Variants in DLG2 observed in about 807,000 individuals in gnomAD.
DLG2 encodes the protein discs large MAGUK scaffold protein 2, also known as disks large homolog 2.
DLG2 carries 45 observed loss-of-function variants against 132.5 expected under a neutral mutation model. The ratio of observed to expected loss-of-function variants is 0.34; its 90% CI spans 0.27 to 0.44. The LOEUF is 0.44. Among genes scored for constraint, DLG2 ranks in the 20% least tolerant of loss-of-function variants. The pLI, the probability that DLG2 is intolerant of heterozygous loss-of-function variation, is 1.00. For missense variants in DLG2, 1,045 were observed against 1,196.9 expected, an observed-to-expected ratio of 0.87 and a Z score of 1.87; for synonymous variants, 424 against 419.6, an observed-to-expected ratio of 1.01 and a Z score of -0.13.
intron 6 of DLG2, among the ~76,000 whole-genome samples, chr11:84,629,193 TA>T (rs2099627712): frequency 6.6e-6 from 1 of 152,178 alleles, no homozygotes; most frequent in African/African-American, 2.4e-5. Context: ...CTGAGCTTTA[TA>T]AACAAATTCT....
intron 5 of DLG2, among the ~76,000 whole-genome samples, chr11:85,142,768 C>G (rs114485565): frequency 6.6e-6 from 1 of 151,572 alleles, no homozygotes; most frequent in Non-Finnish European, 1.5e-5. Context: ...ATTTTTGTCA[C>G]GAAGAGATGT....
At chr11:84,602,372 G>A (rs2099578148) in intron 6 of DLG2, among the ~76,000 whole-genome samples, 3 of 151,038 alleles carry the variant, frequency 2.0e-5, no homozygotes, top group Admixed American at 1.3e-4. Context: ...ATTTCATAAA[G>A]GTATTAAGTA....
intron 3 of DLG2, among the ~76,000 whole-genome samples, chr11:85,425,411 C>T (rs1225153313): frequency 6.6e-6 from 1 of 151,780 alleles, no homozygotes; most frequent in Non-Finnish European, 1.5e-5. Flanking sequence ...GGAAAATTTA[C>T]CATAATGAAC....
chr11:84,502,681 C>A (rs2099224431), intron 7 of DLG2, among the ~76,000 whole-genome samples: 1 of 151,726 alleles, frequency 6.6e-6, no homozygotes, highest in South Asian at 2.1e-4. Flanking sequence ...TACAGGAGAA[C>A]CATTTCACGA....
chr11:83,947,670 A>C (rs1023863090), intron 14 of DLG2, among the ~76,000 whole-genome samples: 5 of 152,176 alleles, frequency 3.3e-5, no homozygotes, highest in African/African-American at 1.2e-4. Context: ...TACATGGATT[A>C]ATTTATTTAA....
At chr11:83,816,254 G>C (rs2048886026) in intron 17 of DLG2, among the ~76,000 whole-genome samples, 2 of 152,244 alleles carry the variant, frequency 1.3e-5, no homozygotes, top group Admixed American at 1.3e-4. Context: ...TAGCCTATTG[G>C]CAGCATCATC....
At chr11:84,080,046 C>T (rs1238791599) in intron 10 of DLG2, among the ~76,000 whole-genome samples, 1 of 152,132 alleles carries the variant, frequency 6.6e-6, no homozygotes, top group Non-Finnish European at 1.5e-5. Context: ...CATAGAACTC[C>T]TTTTAACTCT....
chr11:85,127,146 C>A (rs1270347321), intron 5 of DLG2, among the ~76,000 whole-genome samples: 1 of 151,934 alleles, frequency 6.6e-6, no homozygotes, highest in Non-Finnish European at 1.5e-5. Context: ...ATCTCTGCAT[C>A]CTCTATATCT....
chr11:84,237,729 A>G (rs1478607948), intron 8 of DLG2, among the ~76,000 whole-genome samples: 3 of 152,002 alleles, frequency 2.0e-5, no homozygotes, highest in Non-Finnish European at 4.4e-5. Context: ...GGGCTGAGAT[A>G]TGATACACTT....
At chr11:85,026,634 G>C (rs1312991574) in intron 6 of DLG2, among the ~76,000 whole-genome samples, 1 of 152,042 alleles carries the variant, frequency 6.6e-6, no homozygotes, top group African/African-American at 2.4e-5. Flanking sequence ...TCAGGAGATC[G>C]AGACCATCCT....
chr11:83,466,815 G>A lies in DLG2; in HGVS notation c.2622C>T (p.Gly874=). ...VQSVRFVAER[G]KHCILDVSGN... ...CTGATACATCAAGTATACAGTGTTTGCCCTGGTAGAAAGAGAAGAAAAATA... is the reference window on the plus strand; with the variant it reads ...CTGATACATCAAGTATACAGTGTTTACCCTGGTAGAAAGAGAAGAAAAATA... Residue 874 remains glycine (G), a splice_region_variant and synonymous_variant, in exon 26 of 28, where the codon GGC becomes GGT. Coordinates refer to ENST00000376104, the MANE Select transcript of DLG2 (RefSeq NM_001142699.3). The A allele has an allele frequency of 6.2e-7, 1 of 1,607,888 alleles. No individual in the cohort carries two copies. The highest frequency in any genetic ancestry group is 1.7e-5 in the Admixed American group (1 of 59,976).
rs145848418 is a variant in DLG2 at position 84,644,194 on chromosome 11, T to C, written c.358-109463A>G. ...ATGGGTCTTTTCAAAGGTCCATCTA[T>C]GTATTCTAAGCCTATCCCACTGCTT... On this transcript the variant is annotated intron_variant, in intron 6 of 27. Coordinates refer to ENST00000376104, the MANE Select transcript of DLG2 (RefSeq NM_001142699.3). Among the ~76,000 whole-genome samples, 795 of 152,296 alleles carry C rather than the reference T, an allele frequency of 5.2e-3. 6 individuals are homozygous for C. Among genetic ancestry groups the C allele is most frequent in the Middle Eastern group, 0.034 (10 of 294 alleles).
chr11:85,598,636 A>G, intron 3 of DLG2, 21 bp downstream of exon 3: 1 of 1,525,504 alleles, frequency 6.6e-7, no homozygotes, highest in Non-Finnish European at 8.8e-7. Context: ...TAAAATGATG[A>G]ATAACTTTCA....
chr11:84,785,400 C>T (rs2072700636), intron 6 of DLG2, among the ~76,000 whole-genome samples: 1 of 152,006 alleles, frequency 6.6e-6, no homozygotes, highest in Non-Finnish European at 1.5e-5. Flanking sequence ...CGCAAGACTC[C>T]TCATGAGTTG....
At chr11:84,093,481 A>G (rs1336282662) in intron 10 of DLG2, among the ~76,000 whole-genome samples, 1 of 152,246 alleles carries the variant, frequency 6.6e-6, no homozygotes, top group Non-Finnish European at 1.5e-5. Context: ...TCATGTAATT[A>G]GACCAGGTTC....
chr11:85,091,121 TCCACCTCCAACA>T (rs1445304096), intron 6 of DLG2, among the ~76,000 whole-genome samples: 1 of 152,162 alleles, frequency 6.6e-6, no homozygotes, highest in Non-Finnish European at 1.5e-5. Flanking sequence ...CCCATTTGGT[TCCACCTCCAACA>T]CTGGGGATCA....
At chr11:84,662,786 C>CAAAAAAAAA (rs752017709) in intron 6 of DLG2, among the ~76,000 whole-genome samples, 7 of 80,292 alleles carry the variant, frequency 8.7e-5, no homozygotes, top group African/African-American at 2.2e-4. Context: ...GACTCTGTCA[C>CAAAAAAAAA]AAAAAAAAAA....
intron 3 of DLG2, among the ~76,000 whole-genome samples, chr11:85,440,232 G>A (rs1021205386): frequency 3.3e-5 from 5 of 151,914 alleles, no homozygotes; most frequent in African/African-American, 4.8e-5. Context: ...CTATGTATTC[G>A]CTGTATGACC....
intron 3 of DLG2, among the ~76,000 whole-genome samples, chr11:85,471,793 G>A (rs922795386): frequency 1.3e-5 from 2 of 151,978 alleles, no homozygotes; most frequent in African/African-American, 4.8e-5. Flanking sequence ...TGAGCTAAAG[G>A]AAGAAAATTT....
Sources: gnomAD v4.1 joint callset for allele counts (sites outside exome capture counted in the v4.1 genomes callset) on GRCh38, gnomAD v4.1.1 for gene constraint, MANE v1.5 for transcripts, NCBI Gene and HGNC (gene_info 2026-07-23, HGNC 2026-07-21) for gene names.